The following KCNT1 variants were observed in gnomAD, a reference collection of about 807,000 sequenced individuals.
The protein encoded by KCNT1 is potassium channel subfamily T member 1.
A neutral mutation model predicts 147.8 loss-of-function variants in KCNT1; 78 were observed. That is an observed-to-expected ratio of 0.53 (90% confidence interval 0.44 to 0.64). KCNT1 has a LOEUF of 0.64. Ranked by LOEUF, KCNT1 falls within the 30% of genes least tolerant of loss-of-function variation. The pLI, the probability that KCNT1 is intolerant of heterozygous loss-of-function variation, is 0.00. For missense variants in KCNT1, 1,419 were observed against 1,750.3 expected, an observed-to-expected ratio of 0.81 and a Z score of 3.38; for synonymous variants, 867 against 748.8, an observed-to-expected ratio of 1.16 and a Z score of -2.58.
intron 2 of KCNT1, among the ~76,000 whole-genome samples, chr9:135,739,593 A>G (rs1830479020): frequency 6.6e-6 from 1 of 151,530 alleles, no homozygotes. Context: ...TGGTGTTCAC[A>G]CCGGCTCGGC....
intron 11 of KCNT1, 116 bp from the exon 12 acceptor site, chr9:135,764,915 G>T: frequency 9.0e-7 from 1 of 1,116,230 alleles, no homozygotes; most frequent in Non-Finnish European, 1.3e-6. Flanking sequence ...GTCACCCCCC[G>T]GCCGGCCCTG....
At chr9:135,711,645 A>G (rs1835493896) in intron 1 of KCNT1, among the ~76,000 whole-genome samples, 1 of 152,162 alleles carries the variant, frequency 6.6e-6, no homozygotes, top group South Asian at 2.1e-4. Context: ...GTGTGCACCA[A>G]ACAGCTGACG....
At chr9:135,755,411 T>C (rs1359137220) in intron 6 of KCNT1, among the ~76,000 whole-genome samples, 2 of 119,896 alleles carry the variant, frequency 1.7e-5, no homozygotes, top group East Asian at 5.2e-4. Context: ...AACAGGTGAC[T>C]CCAACTCAGT....
intron 2 of KCNT1, among the ~76,000 whole-genome samples, chr9:135,720,148 G>A (rs1048087701): frequency 2.6e-5 from 4 of 152,158 alleles, no homozygotes; most frequent in South Asian, 2.1e-4. Context: ...GGAGGGGGCA[G>A]CCCAGACCCC....
intron 30 of KCNT1, 48 bp from the exon 31 acceptor site, chr9:135,791,993 G>A: frequency 6.2e-7 from 1 of 1,603,574 alleles, no homozygotes; most frequent in Non-Finnish European, 8.5e-7. Flanking sequence ...GCTGAGCAGG[G>A]GCTGCCCGGC....
chr9:135,741,225 C>A (rs771108110), intron 2 of KCNT1, among the ~76,000 whole-genome samples: 1 of 152,188 alleles, frequency 6.6e-6, no homozygotes, highest in Admixed American at 6.5e-5. Flanking sequence ...ATGCGCAGCT[C>A]AGTAGACACT....
chr9:135,754,078 C>A, intron 5 of KCNT1, 85 bp downstream of exon 5: 1 of 1,244,234 alleles, frequency 8.0e-7, no homozygotes, highest in South Asian at 1.2e-5. Context: ...ACTCCAGCTC[C>A]CAATAGCCAG....
In KCNT1 at chr9:135,791,779, C is replaced by T. The variant is rs373901872; in HGVS notation, c.3503-18C>T. 1,888 of 1,610,850 alleles carry T rather than the reference C, an allele frequency of 1.2e-3. 2 individuals are homozygous for T. Among genetic ancestry groups the T allele is most frequent in the Non-Finnish European group, 1.5e-3 (1,741 of 1,177,554 alleles). On this transcript the variant is annotated intron_variant, in intron 29 of 30. Coordinates refer to ENST00000371757, the MANE Select transcript of KCNT1 (RefSeq NM_020822.3). Reference sequence around the variant, plus strand: ...CAGGGCTGGGGGGGTGACGTCTGCCCGGCTGTGTCCTTTGCAGACGAGATG... The same window carrying T: ...CAGGGCTGGGGGGGTGACGTCTGCCTGGCTGTGTCCTTTGCAGACGAGATG...
Position 135,786,256 on chromosome 9 carries a change from G to C in KCNT1, c.3237G>C (p.Trp1079Cys). The C allele has an allele frequency of 1.9e-6, 3 of 1,611,082 alleles. No homozygotes were observed. The highest frequency in any genetic ancestry group is 2.5e-6 in the Non-Finnish European group (3 of 1,179,384). ...CEDTREVKGP[W>C]GSRAGTGGSS... ...ACACACGGGAAGTGAAGGGGCCCTG[G>C]GGCTCCCGCGCTGGCACCGGAGGCA... The change falls in exon 29 of 31, where the codon TGG becomes TGC. Residue 1079 changes from tryptophan (W) to cysteine (C), a missense_variant. Trp to Cys is a radical substitution (Grantham distance 215). This residue lies in a region of KCNT1 where 306 missense variants were observed against 294.2 expected (regional missense o/e 1.04). Transcript: ENST00000371757.
At chr9:135,742,626 G>A (rs575333292) in intron 2 of KCNT1, 10 of 654,762 alleles carry the variant, frequency 1.5e-5, no homozygotes, top group South Asian at 8.6e-5. Flanking sequence ...GCCTCCCTGC[G>A]TGTCTGTGCC....
intron 2 of KCNT1, among the ~76,000 whole-genome samples, chr9:135,721,214 C>G (rs535291317): frequency 6.6e-6 from 1 of 152,180 alleles, no homozygotes; most frequent in Non-Finnish European, 1.5e-5. Flanking sequence ...GAAGCCACTC[C>G]GCTCCAGCAC....
intron 2 of KCNT1, among the ~76,000 whole-genome samples, chr9:135,748,540 T>C (rs1830968935): frequency 6.6e-6 from 1 of 152,212 alleles, no homozygotes; most frequent in Admixed American, 6.5e-5. Context: ...GCCCACCCAC[T>C]GGGTGTCACA....
intron 19 of KCNT1, among the ~76,000 whole-genome samples, chr9:135,773,683 G>A (rs56051557): frequency 6.6e-6 from 1 of 152,390 alleles, no homozygotes; most frequent in African/African-American, 2.4e-5. Context: ...TCCTCAGCGG[G>A]GCTGCCTCAC....
At chr9:135,777,139 C>G (rs1833226539) in intron 20 of KCNT1, among the ~76,000 whole-genome samples, 199 bp from the exon 21 acceptor site, 1 of 152,240 alleles carries the variant, frequency 6.6e-6, no homozygotes, top group African/African-American at 2.4e-5. Context: ...CTGCTCTGTG[C>G]CGCCTGTGGG....
intron 11 of KCNT1, among the ~76,000 whole-genome samples, chr9:135,763,710 G>A (rs1016358253): frequency 6.6e-6 from 1 of 152,196 alleles, no homozygotes; most frequent in African/African-American, 2.4e-5. Context: ...CCAACCCAGG[G>A]TGACCTTATC....
At chr9:135,744,167 C>G (rs1480046820) in intron 2 of KCNT1, among the ~76,000 whole-genome samples, 1 of 152,252 alleles carries the variant, frequency 6.6e-6, no homozygotes, top group Non-Finnish European at 1.5e-5. Flanking sequence ...TGTGGAGCTT[C>G]CCGGCATGGC....
intron 2 of KCNT1, chr9:135,742,796 G>A: frequency 1.4e-6 from 1 of 717,246 alleles, no homozygotes; most frequent in South Asian, 1.5e-5. Context: ...ATTTCAGCCT[G>A]GACTCCTCCC....
chr9:135,712,334 C>G (rs1187348880), intron 1 of KCNT1, among the ~76,000 whole-genome samples: 1 of 152,232 alleles, frequency 6.6e-6, no homozygotes, highest in African/African-American at 2.4e-5. Context: ...TTATTTGGCA[C>G]AGCAGTCACT....
chr9:135,754,674 G>A (rs1367578758), intron 5 of KCNT1, among the ~76,000 whole-genome samples: 1 of 152,226 alleles, frequency 6.6e-6, no homozygotes, highest in Non-Finnish European at 1.5e-5. Context: ...GGGGCTGTGG[G>A]TTAGATAGCC....
Sources: gnomAD v4.1 joint callset for allele counts (sites outside exome capture counted in the v4.1 genomes callset) on GRCh38, gnomAD v4.1.1 for gene constraint, gnomAD v4.1.1 regional missense constraint, MANE v1.5 for transcripts, NCBI Gene and HGNC (gene_info 2026-07-23, HGNC 2026-07-21) for gene names.